The following MAP7 variants were observed in gnomAD, a reference collection of about 807,000 sequenced individuals.
MAP7 encodes the protein microtubule associated protein 7.
In MAP7, 52 loss-of-function variants were observed where a neutral mutation model predicts 94.8. The observed-to-expected ratio is 0.55, with a 90% CI of 0.44 to 0.69. MAP7 has a LOEUF of 0.69. Among genes scored for constraint, MAP7 ranks in the 30% least tolerant of loss-of-function variants. The pLI is 0.00. For synonymous variants in MAP7, 350 were observed against 357.0 expected (o/e 0.98, Z 0.22); for missense variants, 940 against 964.6 (o/e 0.97, Z 0.34).
At chr6:136,420,304 G>A (rs531718949) in intron 2 of MAP7, 40 of 778,482 alleles carry the variant, frequency 5.1e-5, no homozygotes, top group African/African-American at 4.8e-4. Context: ...CCTTGGTGCT[G>A]CCTGACGTGA....
chr6:136,409,219 G>A (rs554862729), intron 3 of MAP7, among the ~76,000 whole-genome samples: 81 of 152,242 alleles, frequency 5.3e-4, no homozygotes, highest in Non-Finnish European at 1.0e-3. Flanking sequence ...CATGGCAGGG[G>A]TAAGAATAAA....
intron 3 of MAP7, among the ~76,000 whole-genome samples, chr6:136,399,055 G>T (rs1238481013): frequency 6.6e-6 from 1 of 152,190 alleles, no homozygotes; most frequent in Admixed American, 6.5e-5. Flanking sequence ...CAGACTTGTT[G>T]TCTCAGTTTC....
intron 3 of MAP7, among the ~76,000 whole-genome samples, chr6:136,391,558 C>CAACAACAAA (rs758437624): frequency 7.6e-6 from 1 of 131,224 alleles, no homozygotes; most frequent in East Asian, 3.2e-4. Flanking sequence ...TAATAAAAAA[C>CAACAACAAA]AACAACAACA....
chr6:136,484,948 C>A (rs933347149), intron 1 of MAP7, among the ~76,000 whole-genome samples: 1 of 152,166 alleles, frequency 6.6e-6, no homozygotes, highest in African/African-American at 2.4e-5. Flanking sequence ...CCAGCCTCAG[C>A]CTCCTAAAGT....
chr6:136,480,657 A>G (rs986961151), intron 1 of MAP7, among the ~76,000 whole-genome samples: 4 of 150,482 alleles, frequency 2.7e-5, no homozygotes, highest in East Asian at 1.9e-4. Context: ...AAAAAAAAAA[A>G]AAAAAAAAAA....
intron 3 of MAP7, among the ~76,000 whole-genome samples, chr6:136,400,455 T>A (rs1395995788): frequency 1.3e-5 from 2 of 151,354 alleles, no homozygotes; most frequent in East Asian, 3.9e-4. Flanking sequence ...CAACATTTTT[T>A]AAAAAAAGCC....
intron 1 of MAP7, among the ~76,000 whole-genome samples, chr6:136,469,554 A>AG (rs1020596976): frequency 6.6e-6 from 1 of 151,532 alleles, no homozygotes; most frequent in South Asian, 2.1e-4. Context: ...GCTTTTTTGG[A>AG]GGGGGGTAGG....
At chr6:136,357,726 C>T (rs1316837215) in intron 15 of MAP7, among the ~76,000 whole-genome samples, 1 of 152,180 alleles carries the variant, frequency 6.6e-6, no homozygotes, top group East Asian at 1.9e-4. Context: ...CTCCTGAGCT[C>T]AAGTGATCCT....
rs1786852590 is a variant in MAP7 at position 136,342,979 on chromosome 6, TTC to T, written c.*1247_*1248del. The T allele has an allele frequency of 6.6e-6, 1 of 152,278 alleles. No homozygotes were observed. Among genetic ancestry groups the T allele is most frequent in the Non-Finnish European group, 1.5e-5 (1 of 68,028 alleles). The allele number at this position is 152,278 out of a possible 1,614,324, so 9.4% of individuals were successfully genotyped here. ...CATTCAACCTAGCAGTTCAACCAAT[TTC>T]TCTTTTAATAAAAGCTGCACATTAC... On this transcript the variant is annotated 3_prime_UTR_variant, in exon 18 of 18. Transcript: ENST00000354570.
intron 3 of MAP7, among the ~76,000 whole-genome samples, chr6:136,409,052 G>GA (rs1033622184): frequency 4.1e-4 from 59 of 143,254 alleles, no homozygotes; most frequent in East Asian, 1.2e-3. Context: ...GGTTTAAATG[G>GA]AAAAAAAAAA....
Position 136,535,747 on chromosome 6 carries a change from C to CT in MAP7, c.67+14594dup, listed in dbSNP as rs914031133. ...TTTAGTATTTGTCATCTTTTTTTTT[C>CT]TTTTTTTTTTAAATTATACTTTAAG... On this transcript the variant is annotated intron_variant, in intron 1 of 17. Transcript: ENST00000354570. Among the ~76,000 whole-genome samples the CT allele has an allele frequency of 4.2e-4, 51 of 122,310 alleles. 2 individuals carry two copies. The South Asian group carries it at 4.4e-3, about 11-fold the overall frequency. 80.2% of individuals were successfully genotyped at this position (122,310 alleles called of 152,430 possible). A position where few individuals can be genotyped will look rare whatever the true frequency, so the allele number is the denominator to read the frequency against.
intron 1 of MAP7, among the ~76,000 whole-genome samples, chr6:136,434,134 C>T (rs1795704205): frequency 2.0e-5 from 3 of 151,862 alleles, no homozygotes; most frequent in South Asian, 2.1e-4. Flanking sequence ...GGTGAAACCC[C>T]GTCTCTACTA....
intron 1 of MAP7, among the ~76,000 whole-genome samples, chr6:136,548,311 C>G (rs1829887696): frequency 6.6e-6 from 1 of 152,076 alleles, no homozygotes; most frequent in Non-Finnish European, 1.5e-5. Flanking sequence ...CTCAAAATAA[C>G]TACCACCTAG....
intron 15 of MAP7, among the ~76,000 whole-genome samples, chr6:136,358,865 C>G (rs1441389832): frequency 6.6e-6 from 1 of 152,154 alleles, no homozygotes; most frequent in African/African-American, 2.4e-5. Context: ...AGCTGGGGGA[C>G]CGGGGCCCCA....
intron 1 of MAP7, among the ~76,000 whole-genome samples, chr6:136,450,308 C>A (rs1217653310): frequency 6.6e-6 from 1 of 152,078 alleles, no homozygotes; most frequent in African/African-American, 2.4e-5. Flanking sequence ...TCCAAGATTT[C>A]TTCACTTGTT....
chr6:136,444,314 C>A (rs1369670036), intron 1 of MAP7, among the ~76,000 whole-genome samples: 1 of 152,192 alleles, frequency 6.6e-6, no homozygotes, highest in African/African-American at 2.4e-5. Context: ...CACTTTGAAA[C>A]AAGCATCATA....
At chr6:136,397,765 C>T (rs1782933221) in intron 3 of MAP7, among the ~76,000 whole-genome samples, 1 of 152,104 alleles carries the variant, frequency 6.6e-6, no homozygotes, top group Non-Finnish European at 1.5e-5. Flanking sequence ...GTTTAAGCTA[C>T]CCAGTCTATG....
In MAP7 at chr6:136,506,111, T is replaced by C. The variant is rs3799448; in HGVS notation, c.67+44231A>G. Among the ~76,000 whole-genome samples, 591 of 152,284 alleles carry C rather than the reference T, an allele frequency of 3.9e-3. 4 individuals carry two copies. In the East Asian group the frequency reaches 0.039, roughly 10 times the overall value. On this transcript the variant is annotated intron_variant, in intron 1 of 17. Transcript: ENST00000354570. ...ATGTTAAAGAAAATTCTTGAGTAAA[T>C]GCCAATTTATGTTTTCCTAGAAAAC...
At chr6:136,419,965 T>C (rs1178671707) in intron 2 of MAP7, 2 of 681,852 alleles carry the variant, frequency 2.9e-6, no homozygotes, top group African/African-American at 1.8e-5. Context: ...GGTTTCTGAG[T>C]GTCTGGTTAC....
Sources: allele counts gnomAD v4.1 joint callset (sites outside exome capture counted in the v4.1 genomes callset), GRCh38; gene constraint gnomAD v4.1.1; transcripts MANE v1.5; gene names NCBI Gene and HGNC (gene_info 2026-07-23, HGNC 2026-07-21).